CNTN4: variants seen among roughly 807,000 people sequenced by gnomAD.
CNTN4 encodes the protein contactin-4.
CNTN4 carries 77 observed loss-of-function variants against 122.5 expected under a neutral mutation model. The ratio of observed to expected loss-of-function variants is 0.63; its 90% CI spans 0.52 to 0.76. The LOEUF is 0.76. Among genes scored for constraint, CNTN4 ranks in the 30% least tolerant of loss-of-function variants. The pLI, the probability that CNTN4 is intolerant of heterozygous loss-of-function variation, is 0.00. For synonymous variants in CNTN4, 512 were observed against 447.0 expected, an observed-to-expected ratio of 1.15 and a Z score of -1.83; for missense variants, 1,256 against 1,259.1, an observed-to-expected ratio of 1.00 and a Z score of 0.04.
chr3:2,564,596 T>G (rs1282174723), intron 3 of CNTN4, among the ~76,000 whole-genome samples: 1 of 152,174 alleles, frequency 6.6e-6, no homozygotes, highest in Admixed American at 6.5e-5. Flanking sequence ...CAGTCCCGTC[T>G]TCTATTCATG....
At chr3:2,866,038 T>G (rs2093720414) in intron 7 of CNTN4, among the ~76,000 whole-genome samples, 1 of 152,198 alleles carries the variant, frequency 6.6e-6, no homozygotes, top group South Asian at 2.1e-4. Context: ...AGTCAGTGTA[T>G]ACTTAATGAG....
At chr3:2,184,925 C>T (rs35250159) in intron 2 of CNTN4, among the ~76,000 whole-genome samples, 25,780 of 152,172 alleles carry the variant, frequency 0.17, 2,478 homozygotes, top group South Asian at 0.24. Flanking sequence ...AATTCAGGTC[C>T]TCAAAATCTT....
chr3:2,870,079 C>T (rs2093767762), intron 8 of CNTN4, among the ~76,000 whole-genome samples: 1 of 152,176 alleles, frequency 6.6e-6, no homozygotes, highest in African/African-American at 2.4e-5. Context: ...TATACTGTGA[C>T]ATAGCCAGGG....
At chr3:2,695,573 G>A (rs2085982403) in intron 4 of CNTN4, among the ~76,000 whole-genome samples, 1 of 152,174 alleles carries the variant, frequency 6.6e-6, no homozygotes. Context: ...TCTGTAACAG[G>A]TTTTGTGATA....
intron 4 of CNTN4, among the ~76,000 whole-genome samples, chr3:2,701,862 C>T (rs2149262876): frequency 6.6e-6 from 1 of 152,210 alleles, no homozygotes; most frequent in African/African-American, 2.4e-5. Context: ...ATTACTTTTG[C>T]ACCAATGTAA....
At chr3:2,526,815 C>T (rs1207577031) in intron 3 of CNTN4, among the ~76,000 whole-genome samples, 1 of 151,966 alleles carries the variant, frequency 6.6e-6, no homozygotes, top group East Asian at 1.9e-4. Flanking sequence ...TTATATTTTA[C>T]TGAAAAAAAT....
chr3:2,932,800 C>CTTTCTTTA (rs1246834981), intron 13 of CNTN4, among the ~76,000 whole-genome samples: 1 of 148,842 alleles, frequency 6.7e-6, no homozygotes, highest in Non-Finnish European at 1.5e-5. Context: ...TGCTTACAGT[C>CTTTCTTTA]TTTATTTATT....
intron 3 of CNTN4, among the ~76,000 whole-genome samples, chr3:2,344,455 T>G (rs997188817): frequency 1.3e-5 from 2 of 151,980 alleles, no homozygotes; most frequent in African/African-American, 4.8e-5. Context: ...AATTTTTGTA[T>G]TTTTAGTAGA....
intron 3 of CNTN4, among the ~76,000 whole-genome samples, chr3:2,392,570 T>C (rs982138225): frequency 6.6e-6 from 1 of 152,228 alleles, no homozygotes; most frequent in Admixed American, 6.5e-5. Flanking sequence ...TTTTGATACA[T>C]GTGTACATTC....
chr3:2,422,643 T>A (rs1045392570), intron 3 of CNTN4, among the ~76,000 whole-genome samples: 1 of 152,262 alleles, frequency 6.6e-6, no homozygotes, highest in Non-Finnish European at 1.5e-5. Flanking sequence ...TACAAGAATT[T>A]ATTTTATTGA....
chr3:2,474,881 T>C (rs1456949779), intron 3 of CNTN4, among the ~76,000 whole-genome samples: 1 of 152,202 alleles, frequency 6.6e-6, no homozygotes, highest in African/African-American at 2.4e-5. Context: ...TTTTAATGAC[T>C]GCATGATATT....
intron 4 of CNTN4, among the ~76,000 whole-genome samples, chr3:2,660,346 A>T (rs1287017220): frequency 6.6e-6 from 1 of 152,234 alleles, no homozygotes; most frequent in Admixed American, 6.5e-5. Flanking sequence ...TGGCACTGTT[A>T]TATCAACCAA....
At chr3:2,250,011 C>G (rs535198057) in intron 2 of CNTN4, among the ~76,000 whole-genome samples, 20 of 151,932 alleles carry the variant, frequency 1.3e-4, no homozygotes, top group African/African-American at 4.6e-4. Flanking sequence ...TTAGAATTTC[C>G]TTATCCATTT....
chr3:2,547,628 A>T, intron 3 of CNTN4, among the ~76,000 whole-genome samples: 1 of 152,170 alleles, frequency 6.6e-6, no homozygotes, highest in South Asian at 2.1e-4. Flanking sequence ...AAACATTTAG[A>T]AAGTTGGGAA....
intron 2 of CNTN4, among the ~76,000 whole-genome samples, chr3:2,277,157 G>A (rs1260940906): frequency 1.3e-5 from 2 of 152,218 alleles, no homozygotes; most frequent in African/African-American, 4.8e-5. Context: ...AATTTTAAAG[G>A]CTATAAGAGT....
intron 4 of CNTN4, among the ~76,000 whole-genome samples, chr3:2,712,598 C>T (rs2087218807): frequency 6.6e-6 from 1 of 152,286 alleles, no homozygotes; most frequent in Admixed American, 6.5e-5. Context: ...ATTTGGTCTT[C>T]ATGCCATGTC....
chr3:2,968,580 A>T (rs935940034), intron 13 of CNTN4, among the ~76,000 whole-genome samples: 1 of 152,178 alleles, frequency 6.6e-6, no homozygotes, highest in Non-Finnish European at 1.5e-5. Context: ...GTCAGAAAAA[A>T]CTTTTTGTGA....
intron 3 of CNTN4, among the ~76,000 whole-genome samples, chr3:2,424,390 T>G (rs908599521): frequency 1.8e-4 from 28 of 152,100 alleles, no homozygotes; most frequent in Non-Finnish European, 3.1e-4. Flanking sequence ...ACAAAGGACA[T>G]GAACTCATCC....
intron 2 of CNTN4, among the ~76,000 whole-genome samples, chr3:2,304,416 T>G (rs575556487): frequency 8.3e-4 from 127 of 152,294 alleles, no homozygotes; most frequent in African/African-American, 3.0e-3. Flanking sequence ...ACCATTTACA[T>G]TCTATGAAAC....
Sources: gnomAD v4.1 joint callset for allele counts (sites outside exome capture counted in the v4.1 genomes callset) on GRCh38, gnomAD v4.1.1 for gene constraint, MANE v1.5 for transcripts, NCBI Gene and HGNC (gene_info 2026-07-23, HGNC 2026-07-21) for gene names.